LRRIQ3: variants seen among roughly 807,000 people sequenced by gnomAD.
The protein encoded by LRRIQ3 is leucine-rich repeat and IQ domain-containing protein 3.
A neutral mutation model predicts 59.3 loss-of-function variants in LRRIQ3; 75 were observed. That is an observed-to-expected ratio of 1.26 (90% CI 1.05 to 1.53). The LOEUF is 1.53. Among genes scored for constraint, LRRIQ3 ranks in the 40% most tolerant of loss-of-function variants. The pLI is 0.00. For synonymous variants in LRRIQ3, 250 were observed against 231.3 expected, an observed-to-expected ratio of 1.08 and a Z score of -0.73; for missense variants, 831 against 710.0, an observed-to-expected ratio of 1.17 and a Z score of -1.94.
intron 7 of LRRIQ3, among the ~76,000 whole-genome samples, chr1:74,033,676 T>C (rs1653785838): frequency 6.6e-6 from 1 of 151,886 alleles, no homozygotes; most frequent in South Asian, 2.1e-4. Context: ...TCTTATGAAT[T>C]TGGAAGTTAA....
At chr1:74,107,264 A>G (rs1486494961) in intron 5 of LRRIQ3, among the ~76,000 whole-genome samples, 2 of 151,890 alleles carry the variant, frequency 1.3e-5, no homozygotes, top group Non-Finnish European at 2.9e-5. Context: ...CTTGAATTCT[A>G]TTCTTGGCTA....
intron 4 of LRRIQ3, among the ~76,000 whole-genome samples, chr1:74,125,216 A>G (rs943192849): frequency 1.3e-5 from 2 of 151,960 alleles, no homozygotes; most frequent in African/African-American, 4.8e-5. Flanking sequence ...TGTATCCTGC[A>G]ACTATACTGA....
intron 5 of LRRIQ3, chr1:74,084,306 A>G: frequency 3.0e-6 from 4 of 1,333,418 alleles, no homozygotes; most frequent in Non-Finnish European, 4.1e-6. Flanking sequence ...ATCAGCAAAC[A>G]TTACATTTTG....
chr1:74,166,212 AC>A (rs1250774618), intron 3 of LRRIQ3, among the ~76,000 whole-genome samples: 4 of 151,628 alleles, frequency 2.6e-5, no homozygotes, highest in Non-Finnish European at 5.9e-5. Flanking sequence ...GAATTTTAAA[AC>A]TATGAAATCA....
chr1:74,188,752 CAT>C (rs1409852531), intron 1 of LRRIQ3, among the ~76,000 whole-genome samples: 12 of 152,076 alleles, frequency 7.9e-5, no homozygotes, highest in African/African-American at 1.4e-4. Flanking sequence ...CTTTCATACA[CAT>C]GTCTGTCTTT....
chr1:74,097,738 A>AG (rs1220556024), intron 5 of LRRIQ3, among the ~76,000 whole-genome samples: 1 of 152,146 alleles, frequency 6.6e-6, no homozygotes, highest in African/African-American at 2.4e-5. Context: ...AGAAGAGAGT[A>AG]GGGGCCAATA....
intron 4 of LRRIQ3, among the ~76,000 whole-genome samples, chr1:74,127,164 T>C (rs751368320): frequency 6.6e-6 from 1 of 151,926 alleles, no homozygotes; most frequent in Non-Finnish European, 1.5e-5. Flanking sequence ...GGTATAAGTA[T>C]TCCTGATCCT....
chr1:74,155,154 T>C (rs996765610), intron 4 of LRRIQ3, among the ~76,000 whole-genome samples: 4 of 152,230 alleles, frequency 2.6e-5, no homozygotes, highest in Non-Finnish European at 5.9e-5. Context: ...ACTTTACCAA[T>C]TAGAATAAGC....
Position 74,101,860 on chromosome 1 carries a change from G to C in LRRIQ3, c.867+7534C>G, listed in dbSNP as rs539463362. 1.5e-4 allele frequency among the ~76,000 whole-genome samples: 23 copies of C among 152,154 alleles called. No individual in the cohort carries two copies. The East Asian group carries it at 4.3e-3, about 28-fold the overall frequency. ...CACTCATAGATGGGAATTGAACAATGAGAACACTTGGACACAGGAAGGGGA... is the reference window on the plus strand; with the variant it reads ...CACTCATAGATGGGAATTGAACAATCAGAACACTTGGACACAGGAAGGGGA... On this transcript the variant is annotated intron_variant, in intron 5 of 7. Transcript: ENST00000354431.
chr1:74,152,036 T>G (rs142359383), intron 4 of LRRIQ3, among the ~76,000 whole-genome samples: 3 of 152,152 alleles, frequency 2.0e-5, no homozygotes, highest in Admixed American at 2.0e-4. Context: ...AACAATATCA[T>G]TGTAGACAAT....
At chr1:74,065,202 A>G (rs1654833560) in intron 6 of LRRIQ3, among the ~76,000 whole-genome samples, 1 of 152,148 alleles carries the variant, frequency 6.6e-6, no homozygotes. Flanking sequence ...TTCCTTATTC[A>G]AAAAGCTCAA....
rs143873635 is a variant in LRRIQ3, at chr1:74,146,481, G to A, written c.707+9252C>T. On this transcript the variant is annotated intron_variant, in intron 4 of 7. Coordinates refer to ENST00000354431, the MANE Select transcript of LRRIQ3 (RefSeq NM_001105659.2). Reference sequence around the variant, plus strand: ...TATGGTAGGCACTCAATAAATACTTGTAGAATGAACTGATCGATAAAAATT... The same window carrying A: ...TATGGTAGGCACTCAATAAATACTTATAGAATGAACTGATCGATAAAAATT... Among the ~76,000 whole-genome samples, 699 of 152,186 alleles carry A rather than the reference G, an allele frequency of 4.6e-3. 7 individuals carry two copies. Among genetic ancestry groups the A allele is most frequent in the African/African-American group, 0.016 (662 of 41,524 alleles).
At chr1:74,073,873 G>C (rs1646166144) in intron 6 of LRRIQ3, among the ~76,000 whole-genome samples, 2 of 152,202 alleles carry the variant, frequency 1.3e-5, no homozygotes, top group South Asian at 4.1e-4. Flanking sequence ...GAAAGATAAA[G>C]AAAAGTTTAT....
intron 5 of LRRIQ3, among the ~76,000 whole-genome samples, chr1:74,086,591 T>A (rs1019697004): frequency 6.6e-6 from 1 of 152,126 alleles, no homozygotes; most frequent in Non-Finnish European, 1.5e-5. Flanking sequence ...TACCATCACC[T>A]GTGAATCTCA....
chr1:74,179,275 G>T (rs117643038), intron 3 of LRRIQ3, among the ~76,000 whole-genome samples: 1 of 151,642 alleles, frequency 6.6e-6, no homozygotes, highest in African/African-American at 2.4e-5. Context: ...ATGCTTCCTC[G>T]TTTTTTTCTG....
chr1:74,138,300 C>T (rs773959635), intron 4 of LRRIQ3: 50 of 162,364 alleles, frequency 3.1e-4, no homozygotes, highest in African/African-American at 1.2e-3. Context: ...TAAAGACGAT[C>T]ATGTTTATAG....
chr1:74,055,209 T>C (rs972195392), intron 6 of LRRIQ3, among the ~76,000 whole-genome samples: 79 of 112,700 alleles, frequency 7.0e-4, no homozygotes, highest in African/African-American at 2.1e-3. Flanking sequence ...TATATATATA[T>C]ATACACACAC....
At chr1:74,105,241 GT>G (rs1646593584) in intron 5 of LRRIQ3, among the ~76,000 whole-genome samples, 1 of 20,230 alleles carries the variant, frequency 4.9e-5, no homozygotes. Flanking sequence ...TCTATGTGGT[GT>G]GTGTGTGTGT....
rs1184557152 is a variant in LRRIQ3 at position 74,026,987 on chromosome 1, G to A, written c.1719-18C>T. The A allele has an allele frequency of 2.7e-6, 4 of 1,458,102 alleles. No individual in the cohort carries two copies. The highest frequency in any genetic ancestry group is 4.2e-5 in the Admixed American group (2 of 47,896). 90.3% of individuals were successfully genotyped at this position (1,458,102 alleles called of 1,614,324 possible). A position where few individuals can be genotyped will look rare whatever the true frequency, so the allele number is the denominator to read the frequency against. On this transcript the variant is annotated intron_variant, in intron 7 of 7. Coordinates refer to ENST00000354431, the MANE Select transcript of LRRIQ3 (RefSeq NM_001105659.2). ...CTTGAGATCTAAGAGGAGAAAGAAA[G>A]GTAATAGAATGAGATACTTTTAAAT... is the stretch of plus-strand genomic sequence containing the variant.
Sources: gnomAD v4.1 joint callset for allele counts (sites outside exome capture counted in the v4.1 genomes callset) on GRCh38, gnomAD v4.1.1 for gene constraint, MANE v1.5 for transcripts, NCBI Gene and HGNC (gene_info 2026-07-23, HGNC 2026-07-21) for gene names.